The following BTRC variants were observed in gnomAD, a reference collection of about 807,000 sequenced individuals.
The protein encoded by BTRC is F-box/WD repeat-containing protein 1A.
In BTRC, 42 loss-of-function variants were observed where a neutral mutation model predicts 85.5. That is an observed-to-expected ratio of 0.49 (90% CI 0.38 to 0.64). The LOEUF (loss-of-function observed/expected upper bound fraction) is 0.64. Among genes scored for constraint, BTRC ranks in the 30% least tolerant of loss-of-function variants. The pLI, the probability that BTRC is intolerant of heterozygous loss-of-function variation, is 0.00. For missense variants in BTRC, 594 were observed against 743.5 expected, an observed-to-expected ratio of 0.80 and a Z score of 2.34; for synonymous variants, 255 against 263.3, an observed-to-expected ratio of 0.97 and a Z score of 0.30.
intron 4 of BTRC, among the ~76,000 whole-genome samples, chr10:101,515,182 C>G (rs1342246706): frequency 6.6e-6 from 1 of 152,082 alleles, no homozygotes; most frequent in Non-Finnish European, 1.5e-5. Context: ...TCTCAAACTC[C>G]TGACTTCAAG....
chr10:101,522,707 C>T (rs1331423295), intron 5 of BTRC, among the ~76,000 whole-genome samples: 1 of 151,864 alleles, frequency 6.6e-6, no homozygotes, highest in Non-Finnish European at 1.5e-5. Flanking sequence ...AGGTGTGAGC[C>T]ACCGTACCCA....
rs535830627 is a variant in BTRC at position 101,519,534 on chromosome 10, G to A, written c.325-2105G>A. Among the ~76,000 whole-genome samples the A allele has an allele frequency of 6.6e-5, 10 of 152,272 alleles. No homozygotes were observed. In the South Asian group the frequency reaches 2.1e-3, roughly 32 times the overall value. ...TGTCCCCCTTCCTCTTCTGTAACCC[G>A]TTGAAGCAAACTCTGTGCTTGTAAA... On this transcript the variant is annotated intron_variant, in intron 4 of 14. Coordinates refer to ENST00000370187, the MANE Select transcript of BTRC (RefSeq NM_033637.4).
chr10:101,425,475 A>G (rs1047195235), intron 1 of BTRC, among the ~76,000 whole-genome samples: 3 of 152,082 alleles, frequency 2.0e-5, no homozygotes, highest in Non-Finnish European at 4.4e-5. Context: ...GCAGGGCTGG[A>G]TTTGTGTAGG....
At chr10:101,506,313 G>T (rs868757091) in intron 4 of BTRC, among the ~76,000 whole-genome samples, 10 of 152,296 alleles carry the variant, frequency 6.6e-5, no homozygotes, top group Admixed American at 2.6e-4. Context: ...GTAGCACATG[G>T]TGAATGTTAA....
chr10:101,416,278 T>C (rs1032967850), intron 1 of BTRC, among the ~76,000 whole-genome samples: 4 of 152,210 alleles, frequency 2.6e-5, no homozygotes, highest in African/African-American at 7.2e-5. Flanking sequence ...TTTGAATCTG[T>C]CTACTTTATT....
intron 1 of BTRC, among the ~76,000 whole-genome samples, chr10:101,425,646 T>TA (rs1405225258): frequency 5.3e-5 from 8 of 150,926 alleles, no homozygotes; most frequent in South Asian, 2.1e-4. Context: ...TTTTTTTAAT[T>TA]AAAAAAAATG....
At chr10:101,508,181 TTAGTAAA>T (rs1273949098) in intron 4 of BTRC, among the ~76,000 whole-genome samples, 3 of 152,210 alleles carry the variant, frequency 2.0e-5, no homozygotes, top group East Asian at 3.8e-4. Flanking sequence ...TTTCCTATAG[TTAGTAAA>T]TAGGAAAAAA....
At chr10:101,359,472 G>T (rs1942138787) in intron 1 of BTRC, among the ~76,000 whole-genome samples, 2 of 152,032 alleles carry the variant, frequency 1.3e-5, no homozygotes, top group South Asian at 4.2e-4. Flanking sequence ...CTGTTGCCCA[G>T]ACTGGAGTGC....
intron 2 of BTRC, among the ~76,000 whole-genome samples, chr10:101,444,380 G>T (rs186081324): frequency 6.6e-6 from 1 of 152,336 alleles, no homozygotes; most frequent in Admixed American, 6.5e-5. Flanking sequence ...AACTGAGAAA[G>T]AGTCTATTGC....
At chr10:101,536,221 T>C (rs147011752) in intron 11 of BTRC, among the ~76,000 whole-genome samples, 1 of 152,370 alleles carries the variant, frequency 6.6e-6, no homozygotes, top group East Asian at 1.9e-4. Context: ...TTCAGGAAAC[T>C]GCTTTCTTAG....
Position 101,536,603 on chromosome 10 carries a change from G to T in BTRC, c.1527G>T (p.Val509=), listed in dbSNP as rs746696236. The T allele has an allele frequency of 1.2e-5, 19 of 1,613,984 alleles. No individual in the cohort carries two copies. The highest frequency in any genetic ancestry group is 1.6e-5 in the Non-Finnish European group (19 of 1,179,882). ...TGTTAGAAGGCCATGAGGAATTGGT[G>T]CGTTGTATTCGATTTGATAACAAGA... ...LRVLEGHEEL[V]RCIRFDNKRI... The change falls in exon 12 of 15, where the codon GTG becomes GTT. Residue 509 remains valine (V), a synonymous_variant. Coordinates refer to ENST00000370187, the MANE Select transcript of BTRC (RefSeq NM_033637.4).
At chr10:101,404,121 A>G (rs749229092) in intron 1 of BTRC, among the ~76,000 whole-genome samples, 9 of 140,702 alleles carry the variant, frequency 6.4e-5, no homozygotes, top group Non-Finnish European at 1.1e-4. Context: ...AGCTCCGCCT[A>G]CCGGGTTCAC....
chr10:101,481,766 A>G lies in BTRC; in HGVS notation c.324+2309A>G, dbSNP rs1463415025. On this transcript the variant is annotated intron_variant, in intron 4 of 14. Coordinates refer to ENST00000370187, the MANE Select transcript of BTRC (RefSeq NM_033637.4). ...TCATTGCATTGTTGCTTATTTTAAC[A>G]TTATTCTGACACCTATATCCTTTCG... 2.0e-5 allele frequency among the ~76,000 whole-genome samples: 3 copies of G among 152,252 alleles called. No homozygotes were observed. In the East Asian group the frequency reaches 5.8e-4, roughly 29 times the overall value.
intron 1 of BTRC, among the ~76,000 whole-genome samples, chr10:101,368,129 C>T (rs547645406): frequency 6.6e-6 from 1 of 152,292 alleles, no homozygotes; most frequent in African/African-American, 2.4e-5. Context: ...TCATGAAGGG[C>T]TTGGTGCCAT....
chr10:101,539,752 C>T (rs1440004513), intron 13 of BTRC, among the ~76,000 whole-genome samples: 1 of 152,172 alleles, frequency 6.6e-6, no homozygotes, highest in African/African-American at 2.4e-5. Context: ...AACTGCCAAA[C>T]TGTTTTTCAA....
At chr10:101,433,726 C>T (rs1944457617) in intron 2 of BTRC, among the ~76,000 whole-genome samples, 1 of 152,218 alleles carries the variant, frequency 6.6e-6, no homozygotes, top group Non-Finnish European at 1.5e-5. Flanking sequence ...AGGATTTAAG[C>T]ACAAGTTTTA....
Position 101,366,689 on chromosome 10 carries a change from G to A in BTRC, c.48+12461G>A, listed in dbSNP as rs116028301. On this transcript the variant is annotated intron_variant, in intron 1 of 14. Coordinates refer to ENST00000370187, the MANE Select transcript of BTRC (RefSeq NM_033637.4). ...GGGCAGGTGCAGTGAGTTATAGGTGGGTAGATAGATATAATTTGAGTATAG... is the reference window on the plus strand; with the variant it reads ...GGGCAGGTGCAGTGAGTTATAGGTGAGTAGATAGATATAATTTGAGTATAG... 3.3e-3 allele frequency among the ~76,000 whole-genome samples: 471 copies of A among 143,160 alleles called. 3 individuals are homozygous for A. The highest frequency in any genetic ancestry group is 0.012 in the African/African-American group (449 of 38,468). 93.9% of individuals were successfully genotyped at this position (143,160 alleles called of 152,430 possible). A position where few individuals can be genotyped will look rare whatever the true frequency, so the allele number is the denominator to read the frequency against.
intron 1 of BTRC, among the ~76,000 whole-genome samples, chr10:101,417,577 C>G (rs1943980645): frequency 6.6e-6 from 1 of 152,096 alleles, no homozygotes; most frequent in Admixed American, 6.6e-5. Context: ...ATAGAATTAA[C>G]TTTATATTTT....
chr10:101,420,149 A>G (rs185921583), intron 1 of BTRC, among the ~76,000 whole-genome samples: 3 of 150,972 alleles, frequency 2.0e-5, no homozygotes, highest in East Asian at 1.9e-4. Context: ...CAACATCCTC[A>G]ATTCTAGTTC....
Sources: gnomAD v4.1 joint callset for allele counts (sites outside exome capture counted in the v4.1 genomes callset) on GRCh38, gnomAD v4.1.1 for gene constraint, MANE v1.5 for transcripts, NCBI Gene and HGNC (gene_info 2026-07-23, HGNC 2026-07-21) for gene names.